The following PCDHGB6 variants were observed in gnomAD, a reference collection of about 807,000 sequenced individuals.
PCDHGB6 encodes protocadherin gamma subfamily B, 6, also known as protocadherin gamma-B6.
PCDHGB6 carries 51 observed loss-of-function variants against 59.1 expected under a neutral mutation model. The ratio of observed to expected loss-of-function variants is 0.86; its 90% CI spans 0.69 to 1.09. The LOEUF is 1.09. PCDHGB6 is among the 50% of genes least tolerant of loss of function. The pLI, the probability that PCDHGB6 is intolerant of heterozygous loss-of-function variation, is 0.00. For synonymous variants in PCDHGB6, 466 were observed against 495.1 expected, an observed-to-expected ratio of 0.94 and a Z score of 0.78; for missense variants, 1,148 against 1,205.1, an observed-to-expected ratio of 0.95 and a Z score of 0.70.
chr5:141,455,104 G>T (rs2098813087), intron 1 of PCDHGB6, among the ~76,000 whole-genome samples: 1 of 151,780 alleles, frequency 6.6e-6, no homozygotes, highest in Non-Finnish European at 1.5e-5. Flanking sequence ...GAGCCACTGC[G>T]CCCGGTGGGT....
At chr5:141,480,178 C>T (rs143309515) in intron 1 of PCDHGB6, among the ~76,000 whole-genome samples, 346 of 150,752 alleles carry the variant, frequency 2.3e-3, no homozygotes, top group Non-Finnish European at 2.8e-3. Flanking sequence ...CTGAGGCAGG[C>T]GGATTGCTTG....
intron 1 of PCDHGB6, among the ~76,000 whole-genome samples, chr5:141,457,171 T>C (rs1337137368): frequency 3.3e-5 from 5 of 152,216 alleles, no homozygotes; most frequent in Non-Finnish European, 7.3e-5. Flanking sequence ...GATAACCCTA[T>C]TGCAAATAGT....
intron 1 of PCDHGB6, chr5:141,478,480 G>C (rs1444434721): frequency 1.9e-6 from 3 of 1,613,564 alleles, no homozygotes; most frequent in South Asian, 2.2e-5. Flanking sequence ...GCCAGAACAC[G>C]CTGCGGAGCT....
Position 141,477,044 on chromosome 5 carries a change from C to T in PCDHGB6, c.2419-17763C>T, listed in dbSNP as rs750525889. ...CGGGATGCTGACAATCAAGGGTCGG[C>T]TGGACTTCGAGGACACCAAACTCCA... On this transcript the variant is annotated intron_variant, in intron 1 of 3. Coordinates refer to ENST00000520790, the MANE Select transcript of PCDHGB6 (RefSeq NM_018926.3). The surrounding 1 kb of genome is among the most constrained non-coding windows in gnomAD (Gnocchi z 4.9). 6.2e-7 allele frequency: 1 copy of T among 1,614,246 alleles called. No individual in the cohort carries two copies. Among genetic ancestry groups the T allele is most frequent in the Non-Finnish European group, 8.5e-7 (1 of 1,180,034 alleles).
chr5:141,453,204 C>T (rs1345502837), intron 1 of PCDHGB6, among the ~76,000 whole-genome samples: 1 of 152,260 alleles, frequency 6.6e-6, no homozygotes, highest in East Asian at 1.9e-4. Flanking sequence ...GCCTCAACCT[C>T]GTGCACTTAA....
At chr5:141,482,356 G>T (rs1330274684) in intron 1 of PCDHGB6, among the ~76,000 whole-genome samples, 1 of 152,236 alleles carries the variant, frequency 6.6e-6, no homozygotes, top group East Asian at 1.9e-4. Flanking sequence ...TGTTGTGAGA[G>T]TGAAAAGTAA....
At position 141,508,878 on chromosome 5, in the gene PCDHGB6, C is replaced by A. The variant is rs189735747; in HGVS notation, c.2567-2069C>A. The stretch of plus-strand genomic sequence containing the variant: ...GGCTGGGAAAGGCTGAAGAGGCTGA[C>A]GGCTGGAGGGGAGGGGGCGGGGCGG... On this transcript the variant is annotated intron_variant, in intron 3 of 3. Transcript: ENST00000520790. Among the ~76,000 whole-genome samples, 561 of 152,074 alleles carry A rather than the reference C, an allele frequency of 3.7e-3. 3 individuals carry two copies. The highest frequency in any genetic ancestry group is 0.012 in the African/African-American group (508 of 41,498).
At chr5:141,420,742 A>G (rs967908996) in intron 1 of PCDHGB6, among the ~76,000 whole-genome samples, 3 of 152,372 alleles carry the variant, frequency 2.0e-5, no homozygotes, top group African/African-American at 7.2e-5. Context: ...AATCAATTGG[A>G]ACCAACTACA....
chr5:141,489,723 T>C lies in PCDHGB6; in HGVS notation c.2419-5084T>C, dbSNP rs900332220. ...CACTGGACAGTGCCCAGGATCCGGA[T>C]GTGGGCACCAATACTGTGAGCTTTT... On this transcript the variant is annotated intron_variant, in intron 1 of 3. Coordinates refer to ENST00000520790, the MANE Select transcript of PCDHGB6 (RefSeq NM_018926.3). This position sits in a 1 kb window ranked among gnomAD's most constrained non-coding sequence, Gnocchi z 4.5. 4.3e-6 allele frequency: 7 copies of C among 1,613,958 alleles called. No homozygotes were observed. The highest frequency in any genetic ancestry group is 5.9e-6 in the Non-Finnish European group (7 of 1,179,940).
In PCDHGB6 at chr5:141,511,217, C is replaced by A. The variant is rs766814445; in HGVS notation, c.*44C>A. On this transcript the variant is annotated 3_prime_UTR_variant, in exon 4 of 4. Transcript: ENST00000520790. ...AGCCACAGGGCGGCCTCTCCCCAAC[C>A]AGCCCAGCTTCTCCTTACCTGCACC... The A allele has an allele frequency of 2.5e-6, 4 of 1,607,588 alleles. No homozygotes were observed. Among genetic ancestry groups the A allele is most frequent in the Non-Finnish European group, 3.4e-6 (4 of 1,177,026 alleles).
Position 141,432,623 on chromosome 5 carries a change from C to T in PCDHGB6, c.2418+22003C>T, listed in dbSNP as rs1047752183. Reference sequence around the variant, plus strand: ...GCCGGGACTCTTCTCGGTGGGTCTGCACACGGGCGAGGTGCGCACGGCGCG... The same window carrying T: ...GCCGGGACTCTTCTCGGTGGGTCTGTACACGGGCGAGGTGCGCACGGCGCG... On this transcript the variant is annotated intron_variant, in intron 1 of 3. Coordinates refer to ENST00000520790, the MANE Select transcript of PCDHGB6 (RefSeq NM_018926.3). The surrounding 1 kb of genome is among the most constrained non-coding windows in gnomAD (Gnocchi z 6.0). The T allele has an allele frequency of 1.2e-6, 2 of 1,613,196 alleles. No homozygotes were observed. The highest frequency in any genetic ancestry group is 2.2e-5 in the East Asian group (1 of 44,792).
At position 141,489,318 on chromosome 5, in the gene PCDHGB6, G is replaced by T; in HGVS notation, c.2419-5489G>T. On this transcript the variant is annotated intron_variant, in intron 1 of 3. Coordinates refer to ENST00000520790, the MANE Select transcript of PCDHGB6 (RefSeq NM_018926.3). The surrounding 1 kb of genome is among the most constrained non-coding windows in gnomAD (Gnocchi z 4.5). ...TGTTGTCCTTGTGCTGCTGGGGCTG[G>T]GTGTCTGGGCAGCTTCGTTACTCAG... The T allele has an allele frequency of 6.3e-7, 1 of 1,599,092 alleles. No homozygotes were observed. Among genetic ancestry groups the T allele is most frequent in the Non-Finnish European group, 8.5e-7 (1 of 1,171,660 alleles).
At position 141,511,256 on chromosome 5, in the gene PCDHGB6, T is replaced by C. The variant is rs1003866304; in HGVS notation, c.*83T>C. On this transcript the variant is annotated 3_prime_UTR_variant, in exon 4 of 4. Transcript: ENST00000520790. ...CTTACCTGCACCCAGGCCTCAGAGT[T>C]TCAGGGCTAACCCCCAGAATACTGG... The C allele has an allele frequency of 1.9e-6, 3 of 1,563,388 alleles. No homozygotes were observed. The highest frequency in any genetic ancestry group is 2.7e-5 in the African/African-American group (2 of 73,508).
At chr5:141,445,420 T>C (rs968387442) in intron 1 of PCDHGB6, among the ~76,000 whole-genome samples, 3 of 152,204 alleles carry the variant, frequency 2.0e-5, no homozygotes, top group Admixed American at 6.5e-5. Context: ...GTCTGCTATA[T>C]GCAAGGCACT....
chr5:141,415,744 T>TG (rs2095925177), intron 1 of PCDHGB6: 4 of 404,428 alleles, frequency 9.9e-6, no homozygotes, highest in Admixed American at 2.1e-4. Flanking sequence ...ATTAAGGTTT[T>TG]TTTTTTTTTT....
intron 1 of PCDHGB6, among the ~76,000 whole-genome samples, chr5:141,481,675 C>T (rs943204061): frequency 4.0e-5 from 6 of 151,490 alleles, no homozygotes; most frequent in Non-Finnish European, 5.9e-5. Context: ...AAAATCAGGC[C>T]GGGCCTGGTG....
At position 141,409,744 on chromosome 5, in the gene PCDHGB6, G is replaced by A. The variant is rs1255485257; in HGVS notation, c.1542G>A (p.Val514=). 1 of 1,612,978 alleles carries A rather than the reference G, an allele frequency of 6.2e-7. No homozygotes were observed. The highest frequency in any genetic ancestry group is 8.5e-7 in the Non-Finnish European group (1 of 1,179,868). ...YVSVSAQSGV[V]FAQRAFDHEQ... is the part of the protein sequence containing the mutation. ...CAGTGAGCGCGCAGAGCGGGGTGGTGTTCGCGCAGCGCGCCTTTGATCACG... is the reference window on the plus strand; with the variant it reads ...CAGTGAGCGCGCAGAGCGGGGTGGTATTCGCGCAGCGCGCCTTTGATCACG... The change falls in exon 1 of 4, where the codon GTG becomes GTA. Residue 514 remains valine (V), a synonymous_variant. Transcript: ENST00000520790.
At chr5:141,478,449 C>A in intron 1 of PCDHGB6, 1 of 1,613,540 alleles carries the variant, frequency 6.2e-7, no homozygotes. Context: ...AAACCTGGTG[C>A]AGCCAGTCCA....
intron 1 of PCDHGB6, chr5:141,413,669 A>C: frequency 6.2e-7 from 1 of 1,613,844 alleles, no homozygotes; most frequent in South Asian, 1.1e-5. Flanking sequence ...ATTGATCCGG[A>C]TGTGGGCGTG....
Sources: gnomAD v4.1 joint callset for allele counts (sites outside exome capture counted in the v4.1 genomes callset) on GRCh38, gnomAD v4.1.1 for gene constraint, Gnocchi (gnomAD v3.1) non-coding constraint, MANE v1.5 for transcripts, NCBI Gene and HGNC (gene_info 2026-07-23, HGNC 2026-07-21) for gene names.